Variants in KCNC2 observed in about 807,000 individuals in gnomAD.
KCNC2 encodes the protein voltage-gated potassium channel KCNC2.
Under a neutral mutation model 44.5 loss-of-function variants are expected in KCNC2, and 21 were observed. The ratio of observed to expected loss-of-function variants is 0.47; its 90% CI spans 0.33 to 0.68. The LOEUF (loss-of-function observed/expected upper bound fraction) is 0.68, where lower values mean the gene tolerates loss of function less well. KCNC2 is among the 30% of genes least tolerant of loss of function. The pLI is 0.01. For missense variants in KCNC2, 589 were observed against 826.2 expected (o/e 0.71, Z 3.52); for synonymous variants, 391 against 339.1 (o/e 1.15, Z -1.68).
At chr12:75,202,970 A>G (rs149966330) in intron 2 of KCNC2, among the ~76,000 whole-genome samples, 1 of 151,798 alleles carries the variant, frequency 6.6e-6, no homozygotes, top group African/African-American at 2.4e-5. Flanking sequence ...AGTACTTTTC[A>G]TAGTTTTCAG....
chr12:75,181,399 A>G (rs1431282076), intron 2 of KCNC2, among the ~76,000 whole-genome samples: 3 of 152,204 alleles, frequency 2.0e-5, no homozygotes, highest in Non-Finnish European at 4.4e-5. Flanking sequence ...TGAAGACAGT[A>G]TCAGTTCTAA....
intron 2 of KCNC2, among the ~76,000 whole-genome samples, chr12:75,144,966 A>G (rs961580112): frequency 4.6e-5 from 7 of 152,132 alleles, no homozygotes; most frequent in African/African-American, 1.4e-4. Flanking sequence ...AAAGGAAAAA[A>G]GGGATTATGC....
chr12:75,170,118 G>T (rs1280475690), intron 2 of KCNC2, among the ~76,000 whole-genome samples: 1 of 151,678 alleles, frequency 6.6e-6, no homozygotes, highest in African/African-American at 2.4e-5. Flanking sequence ...TCAAGGTGAA[G>T]TCACTAGAAT....
chr12:75,206,596 G>A (rs919267438), intron 2 of KCNC2, among the ~76,000 whole-genome samples: 1 of 152,196 alleles, frequency 6.6e-6, no homozygotes, highest in African/African-American at 2.4e-5. Context: ...CAACCTGTAA[G>A]GATCAGAGAT....
At chr12:75,064,939 A>G (rs1882681624) in intron 2 of KCNC2, among the ~76,000 whole-genome samples, 2 of 152,042 alleles carry the variant, frequency 1.3e-5, no homozygotes, top group African/African-American at 4.8e-5. Context: ...ACATTCTACT[A>G]CATATGTGTG....
intron 2 of KCNC2, among the ~76,000 whole-genome samples, chr12:75,185,509 C>T (rs528544501): frequency 1.3e-5 from 2 of 151,932 alleles, no homozygotes; most frequent in South Asian, 2.1e-4. Flanking sequence ...TGTTTCTTAT[C>T]CTCTTCCTTC....
At position 75,091,339 on chromosome 12, in the gene KCNC2, A is replaced by G. The variant is rs372249814; in HGVS notation, c.688-40022T>C. Among the ~76,000 whole-genome samples, 12 of 151,850 alleles carry G rather than the reference A, an allele frequency of 7.9e-5. No homozygotes were observed. The East Asian group carries it at 1.7e-3, about 22-fold the overall frequency. ...GGTAGGACCAATATGTCATTGAAGT[A>G]GCTGCCTTTTGGCCTCATGAAGGCA... On this transcript the variant is annotated intron_variant, in intron 2 of 4. Coordinates refer to ENST00000549446, the MANE Select transcript of KCNC2 (RefSeq NM_139137.4).
intron 2 of KCNC2, among the ~76,000 whole-genome samples, chr12:75,061,573 ACACACACAC>A (rs1882332843): frequency 4.8e-4 from 2 of 4,150 alleles, no homozygotes; most frequent in Non-Finnish European, 1.2e-3. Context: ...AAGTACACAC[ACACACACAC>A]ACACACACAC....
chr12:75,069,576 G>A (rs1012117312), intron 2 of KCNC2, among the ~76,000 whole-genome samples: 1 of 152,078 alleles, frequency 6.6e-6, no homozygotes, highest in Non-Finnish European at 1.5e-5. Flanking sequence ...AATTTTGGTG[G>A]TTTATAGAGA....
rs1354923743 is a variant in KCNC2 at position 75,042,148 on chromosome 12, C to A, written c.*957G>T. ...AAAATAAGGGGGTAAAAAAAAGACA[C>A]AAGAGCTTTGGGTGATATTTGGCAC... On this transcript the variant is annotated 3_prime_UTR_variant, in exon 5 of 5. Coordinates refer to ENST00000549446, the MANE Select transcript of KCNC2 (RefSeq NM_139137.4). 4.0e-6 allele frequency: 5 copies of A among 1,255,256 alleles called. No individual in the cohort carries two copies. The highest frequency in any genetic ancestry group is 4.1e-5 in the Admixed American group (1 of 24,412). 77.8% of individuals were successfully genotyped at this position (1,255,256 alleles called of 1,614,324 possible). A position where few individuals can be genotyped will look rare whatever the true frequency, so the allele number is the denominator to read the frequency against.
At chr12:75,185,018 T>A (rs145931913) in intron 2 of KCNC2, among the ~76,000 whole-genome samples, 122 of 152,286 alleles carry the variant, frequency 8.0e-4, no homozygotes, top group African/African-American at 2.9e-3. Flanking sequence ...AGCAGAAGCA[T>A]AAAGCCGGAA....
intron 2 of KCNC2, among the ~76,000 whole-genome samples, chr12:75,098,083 G>A (rs1886083523): frequency 6.6e-6 from 1 of 151,980 alleles, no homozygotes; most frequent in Admixed American, 6.6e-5. Context: ...AAAAAAAGGT[G>A]AATTTATAGC....
At chr12:75,168,645 A>G (rs1891613502) in intron 2 of KCNC2, among the ~76,000 whole-genome samples, 1 of 151,538 alleles carries the variant, frequency 6.6e-6, no homozygotes, top group African/African-American at 2.4e-5. Context: ...ACCGCATTCT[A>G]TTTCTTACCA....
At chr12:75,110,660 G>A (rs1887160264) in intron 2 of KCNC2, among the ~76,000 whole-genome samples, 1 of 152,082 alleles carries the variant, frequency 6.6e-6, no homozygotes, top group African/African-American at 2.4e-5. Flanking sequence ...CTCCATGAAG[G>A]GGATAGCAAT....
Position 75,207,417 on chromosome 12 carries a change from C to T in KCNC2, c.567G>A (p.Arg189=), listed in dbSNP as rs762435250. 1.9e-6 allele frequency: 3 copies of T among 1,603,358 alleles called. No individual in the cohort carries two copies. Among genetic ancestry groups the T allele is most frequent in the South Asian group, 2.2e-5 (2 of 89,656 alleles). Residue 189 remains arginine (R), a synonymous_variant, in exon 2 of 5, where the codon AGG becomes AGA. Transcript: ENST00000549446. The surrounding 1 kb of genome is among the most constrained non-coding windows in gnomAD (Gnocchi z 4.1). ...GCCCCGCCGCGTCCTCGATGCCCAGCCTCTTGGCCGCCAGGTCCTCGTCGT... is the reference window on the plus strand; with the variant it reads ...GCCCCGCCGCGTCCTCGATGCCCAGTCTCTTGGCCGCCAGGTCCTCGTCGT... ...PGDDEDLAAK[R]LGIEDAAGLG... is the part of the protein sequence containing the mutation.
chr12:75,042,829 T>C lies in KCNC2; in HGVS notation c.*276A>G. On this transcript the variant is annotated 3_prime_UTR_variant, in exon 5 of 5. Transcript: ENST00000549446. ...AAGGTATGTTTATATATTAGTGCAC[T>C]GGTCAATATCTGACACTATCTGTCA... The C allele has an allele frequency of 2.4e-6, 3 of 1,253,612 alleles. No homozygotes were observed. The highest frequency in any genetic ancestry group is 3.0e-6 in the Non-Finnish European group (3 of 997,196). 77.7% of individuals were successfully genotyped at this position (1,253,612 alleles called of 1,614,324 possible).
At chr12:75,074,949 A>G (rs1451888760) in intron 2 of KCNC2, among the ~76,000 whole-genome samples, 3 of 152,204 alleles carry the variant, frequency 2.0e-5, no homozygotes, top group East Asian at 1.9e-4. Context: ...TTCAGATTAT[A>G]GAAGTACGAA....
chr12:75,136,083 T>C lies in KCNC2; in HGVS notation c.687+71214A>G, dbSNP rs190216299. Among the ~76,000 whole-genome samples, 5 of 152,158 alleles carry C rather than the reference T, an allele frequency of 3.3e-5. No individual in the cohort carries two copies. In the East Asian group the frequency reaches 9.6e-4, roughly 29 times the overall value. On this transcript the variant is annotated intron_variant, in intron 2 of 4. Transcript: ENST00000549446. ...GTATATTTAACCTTTCTGTCCACTA[T>C]AACCTCCTCTACAGCCTACAATAAC... is the stretch of plus-strand genomic sequence containing the variant.
At chr12:75,056,237 T>C (rs936564357) in intron 2 of KCNC2, among the ~76,000 whole-genome samples, 9 of 152,032 alleles carry the variant, frequency 5.9e-5, no homozygotes, top group African/African-American at 2.2e-4. Context: ...ACACAGAATC[T>C]GCCTTTTAAA....
Sources: allele counts gnomAD v4.1 joint callset (sites outside exome capture counted in the v4.1 genomes callset), GRCh38; gene constraint gnomAD v4.1.1; non-coding constraint Gnocchi (gnomAD v3.1); transcripts MANE v1.5; gene names NCBI Gene and HGNC (gene_info 2026-07-23, HGNC 2026-07-21).